ANGPTL7: variants seen among roughly 807,000 people sequenced by gnomAD.
The protein encoded by ANGPTL7 is angiopoietin like 7, also known as angiopoietin-related protein 7.
A neutral mutation model predicts 38.8 loss-of-function variants in ANGPTL7; 37 were observed. The observed-to-expected ratio is 0.95, with a 90% CI of 0.73 to 1.25. The LOEUF (loss-of-function observed/expected upper bound fraction) is 1.25, where lower values mean the gene tolerates loss of function less well. ANGPTL7 is among the 50% of genes most tolerant of loss of function. The probability of loss-of-function intolerance (pLI) is 0.00; values close to 1 mark genes in which losing one functional copy is unlikely to be tolerated. For synonymous variants in ANGPTL7, 166 were observed against 163.2 expected, an observed-to-expected ratio of 1.02 and a Z score of -0.13; for missense variants, 427 against 438.6, an observed-to-expected ratio of 0.97 and a Z score of 0.24.
Position 11,189,527 on chromosome 1 carries a change from G to A in ANGPTL7, c.-53G>A, listed in dbSNP as rs1645441333. On this transcript the variant is annotated 5_prime_UTR_variant, in exon 1 of 5. Transcript: ENST00000376819. Reference sequence around the variant, plus strand: ...CTGCAGCTTTGCAGACCTCAGCTGGGCATCTCCAGACTCCCCTGAAGGAAG... The same window carrying A: ...CTGCAGCTTTGCAGACCTCAGCTGGACATCTCCAGACTCCCCTGAAGGAAG... 3.3e-6 allele frequency: 5 copies of A among 1,530,048 alleles called. No homozygotes were observed. Among genetic ancestry groups the A allele is most frequent in the Non-Finnish European group, 4.4e-6 (5 of 1,143,704 alleles). The allele number at this position is 1,530,048 out of a possible 1,614,324, so 94.8% of individuals were successfully genotyped here. A position where few individuals can be genotyped will look rare whatever the true frequency, so the allele number is the denominator to read the frequency against.
rs1019446841 is a variant in ANGPTL7, at chr1:11,189,439, A to G, written c.-141A>G. The G allele has an allele frequency of 2.9e-6, 3 of 1,037,446 alleles. No individual in the cohort carries two copies. Among genetic ancestry groups the G allele is most frequent in the Admixed American group, 2.3e-5 (1 of 43,136 alleles). 64.3% of individuals were successfully genotyped at this position (1,037,446 alleles called of 1,614,324 possible). A position where few individuals can be genotyped will look rare whatever the true frequency, so the allele number is the denominator to read the frequency against. On this transcript the variant is annotated 5_prime_UTR_variant, in exon 1 of 5. Coordinates refer to ENST00000376819, the MANE Select transcript of ANGPTL7 (RefSeq NM_021146.4). ...TGAGAAAGGCTAGCAAAGAGCAAGG[A>G]AAGAGAGAAAACAACAAAGTGGCGA...
chr1:11,194,042 G>A (rs895262046), intron 3 of ANGPTL7, among the ~76,000 whole-genome samples: 8 of 152,312 alleles, frequency 5.3e-5, no homozygotes, highest in African/African-American at 1.9e-4. Context: ...AGTCAGCTGT[G>A]CCGAACACTA....
At chr1:11,194,017 T>C in intron 3 of ANGPTL7, among the ~76,000 whole-genome samples, 1 of 152,038 alleles carries the variant, frequency 6.6e-6, no homozygotes, top group South Asian at 2.1e-4. Context: ...CAGGCCAGAG[T>C]AGAGCAAATT....
Position 11,194,616 on chromosome 1 carries a change from G to C in ANGPTL7, c.828G>C (p.Lys276Asn). 1 of 1,614,164 alleles carries C rather than the reference G, an allele frequency of 6.2e-7. No homozygotes were observed. Among genetic ancestry groups the C allele is most frequent in the Non-Finnish European group, 8.5e-7 (1 of 1,180,018 alleles). Residue 276 changes from lysine to asparagine, a missense_variant, in exon 4 of 5, where the codon AAG (lysine) becomes AAC (asparagine). Lys to Asn is a moderately conservative substitution (Grantham distance 94). Transcript: ENST00000376819. ...HNNTAFSTKDKDNDNCLDKCA... is the reference protein window; with the variant it reads ...HNNTAFSTKDNDNDNCLDKCA... ...ACACAGCCTTCAGCACCAAGGACAA[G>C]GACAATGACAACTGCTTGGACAAGT...
intron 2 of ANGPTL7, among the ~76,000 whole-genome samples, chr1:11,193,143 CCA>C (rs1386216078): frequency 1.3e-5 from 2 of 151,940 alleles, no homozygotes; most frequent in African/African-American, 4.8e-5. Context: ...ATGCTGAAAC[CCA>C]GTCTCTACTA....
At chr1:11,193,467 G>A (rs989477580) in intron 2 of ANGPTL7, 113 bp from the exon 3 acceptor site, 3 of 901,988 alleles carry the variant, frequency 3.3e-6, no homozygotes, top group Admixed American at 2.9e-5. Flanking sequence ...GTGACTGCGG[G>A]AGTGCACACA....
rs1269710564 is a variant in ANGPTL7, at chr1:11,195,797, A to G, written c.*774A>G. On this transcript the variant is annotated 3_prime_UTR_variant, in exon 5 of 5. Coordinates refer to ENST00000376819, the MANE Select transcript of ANGPTL7 (RefSeq NM_021146.4). Reference sequence around the variant, plus strand: ...ATTTTTATTTACTTTGTAAGAAACAAGCTCAAGGAGCTTCCTTTTAAATTT... The same window carrying G: ...ATTTTTATTTACTTTGTAAGAAACAGGCTCAAGGAGCTTCCTTTTAAATTT... The G allele has an allele frequency of 6.6e-6, 1 of 152,568 alleles. No individual in the cohort carries two copies. Among genetic ancestry groups the G allele is most frequent in the African/African-American group, 2.4e-5 (1 of 41,464 alleles). 9.5% of individuals were successfully genotyped at this position (152,568 alleles called of 1,614,324 possible).
At chr1:11,190,042 C>T (rs888013542) in intron 1 of ANGPTL7, 87 bp downstream of exon 1, 42 of 1,465,832 alleles carry the variant, frequency 2.9e-5, no homozygotes, top group Non-Finnish European at 3.8e-5. Context: ...AGAACCACTA[C>T]TGGGGCCTCT....
In ANGPTL7 at chr1:11,195,042, C is replaced by A. The variant is rs752430971; in HGVS notation, c.*19C>A. On this transcript the variant is annotated 3_prime_UTR_variant, in exon 5 of 5. Transcript: ENST00000376819. ...GCCTTAAAAGGAGGCTGCCGTGGAG[C>A]ACGGATACAGAAACTGAGACACGTG... The A allele has an allele frequency of 3.1e-6, 5 of 1,611,056 alleles. No homozygotes were observed. In the African/African-American group the frequency reaches 6.7e-5, roughly 22 times the overall value.
In ANGPTL7 at chr1:11,195,665, T is replaced by C. The variant is rs1557831214; in HGVS notation, c.*642T>C. 6.5e-6 allele frequency: 1 copy of C among 153,030 alleles called. No individual in the cohort carries two copies. The highest frequency in any genetic ancestry group is 1.5e-5 in the Non-Finnish European group (1 of 68,362). 9.5% of individuals were successfully genotyped at this position (153,030 alleles called of 1,614,324 possible). A position where few individuals can be genotyped will look rare whatever the true frequency, so the allele number is the denominator to read the frequency against. The stretch of plus-strand genomic sequence containing the variant: ...GCACTGCCCCTGCTCGCCTTGGTCA[T>C]GTACAGCACTGAAAGGAATGAAGCA... On this transcript the variant is annotated 3_prime_UTR_variant, in exon 5 of 5. Transcript: ENST00000376819.
chr1:11,194,824 T>C, intron 4 of ANGPTL7, 30 bp from the exon 5 acceptor site: 1 of 1,612,440 alleles, frequency 6.2e-7, no homozygotes, highest in Non-Finnish European at 8.5e-7. Context: ...ACAGTCAACT[T>C]ACTAGCACTG....
Position 11,194,482 on chromosome 1 carries a change from T to C in ANGPTL7, c.694T>C (p.Tyr232His), listed in dbSNP as rs527514497. 27 of 1,614,150 alleles carry C rather than the reference T, an allele frequency of 1.7e-5. No individual in the cohort carries two copies. The South Asian group carries it at 2.5e-4, about 15-fold the overall frequency. Residue 232 changes from tyrosine (Y) to histidine (H), a missense_variant, in exon 4 of 5, where the codon TAC becomes CAC. Coordinates refer to ENST00000376819, the MANE Select transcript of ANGPTL7 (RefSeq NM_021146.4). Reference sequence around the variant, plus strand: ...ACAGGACTGGGAGGGCAACCTGCGCTACGCTGAGTATAGCCACTTTGTTTT... The same window carrying C: ...ACAGGACTGGGAGGGCAACCTGCGCCACGCTGAGTATAGCCACTTTGTTTT... Reference protein sequence around the residue: ...EMEDWEGNLRYAEYSHFVLGN... With the variant: ...EMEDWEGNLRHAEYSHFVLGN...
chr1:11,189,746 T>C lies in ANGPTL7; in HGVS notation c.167T>C (p.Val56Ala), dbSNP rs141187277. The C allele has an allele frequency of 2.6e-4, 412 of 1,614,008 alleles. No individual in the cohort carries two copies. Among genetic ancestry groups the C allele is most frequent in the Non-Finnish European group, 3.3e-4 (389 of 1,180,020 alleles). The change falls in exon 1 of 5, where the codon GTT becomes GCT. Residue 56 changes from valine (V) to alanine (A), a missense_variant. Val to Ala is a moderately conservative substitution (Grantham distance 64). Coordinates refer to ENST00000376819, the MANE Select transcript of ANGPTL7 (RefSeq NM_021146.4). The part of the protein sequence containing the change: ...CEEVKELKAQ[V>A]ANLSSLLSEL... ...GAGGTGAAGGAGCTCAAGGCCCAAG[T>C]TGCCAACCTTAGCAGCCTGCTGAGT...
In ANGPTL7 at chr1:11,192,119, C is replaced by T. The variant is rs960582575; in HGVS notation, c.377-151C>T. The stretch of plus-strand genomic sequence containing the variant: ...GCCAAAATACACCCCCTCTGGATCT[C>T]CCCATATCCACCTCTCCCAAATGCA... On this transcript the variant is annotated intron_variant, in intron 1 of 4. Coordinates refer to ENST00000376819, the MANE Select transcript of ANGPTL7 (RefSeq NM_021146.4). The T allele has an allele frequency of 6.1e-6, 4 of 654,786 alleles. No individual in the cohort carries two copies. The East Asian group carries it at 8.0e-5, about 13-fold the overall frequency. The allele number at this position is 654,786 out of a possible 1,614,324, so 40.6% of individuals were successfully genotyped here.
intron 1 of ANGPTL7, among the ~76,000 whole-genome samples, chr1:11,190,861 G>A (rs879409398): frequency 1.3e-4 from 20 of 152,180 alleles, no homozygotes; most frequent in Non-Finnish European, 2.5e-4. Flanking sequence ...GACATGATCA[G>A]CTTCTACTGA....
chr1:11,194,450 C>T lies in ANGPTL7; in HGVS notation c.673-11C>T. 1.9e-6 allele frequency: 3 copies of T among 1,613,484 alleles called. No individual in the cohort carries two copies. The highest frequency in any genetic ancestry group is 2.5e-6 in the Non-Finnish European group (3 of 1,179,908). On this transcript the variant is annotated splice_polypyrimidine_tract_variant and intron_variant, in intron 3 of 4. Transcript: ENST00000376819. ...GCTGCACTTTCTTTAAGGCTCTGCT[C>T]CTCCTGACAGGACTGGGAGGGCAAC...
chr1:11,192,882 G>A (rs1645602497), intron 2 of ANGPTL7, among the ~76,000 whole-genome samples: 1 of 151,904 alleles, frequency 6.6e-6, no homozygotes, highest in African/African-American at 2.4e-5. Context: ...ATCATTATCA[G>A]TCAAACAACA....
At chr1:11,194,144 A>G (rs1029204117) in intron 3 of ANGPTL7, among the ~76,000 whole-genome samples, 1 of 152,188 alleles carries the variant, frequency 6.6e-6, no homozygotes, top group African/African-American at 2.4e-5. Context: ...AGCACTCACT[A>G]TATCCTCATG....
intron 4 of ANGPTL7, 39 bp from the exon 5 acceptor site, chr1:11,194,815 C>T (rs991369985): frequency 6.2e-7 from 1 of 1,610,404 alleles, no homozygotes; most frequent in Non-Finnish European, 8.5e-7. Flanking sequence ...TGGTCTATCA[C>T]AGTCAACTTA....
Sources: gnomAD v4.1 joint callset for allele counts (sites outside exome capture counted in the v4.1 genomes callset) on GRCh38, gnomAD v4.1.1 for gene constraint, MANE v1.5 for transcripts, NCBI Gene and HGNC (gene_info 2026-07-23, HGNC 2026-07-21) for gene names.